The following HDAC4 variants were observed in gnomAD, a reference collection of about 807,000 sequenced individuals.
The protein encoded by HDAC4 is histone deacetylase A.
In HDAC4, 16 loss-of-function variants were observed where a neutral mutation model predicts 135.1. The observed-to-expected ratio is 0.12, with a 90% CI of 0.08 to 0.18. The LOEUF is 0.18. Among genes scored for constraint, HDAC4 ranks in the 10% least tolerant of loss-of-function variants. HDAC4 has a pLI of 1.00. For synonymous variants in HDAC4, 685 were observed against 653.4 expected, an observed-to-expected ratio of 1.05 and a Z score of -0.74; for missense variants, 1,143 against 1,511.8, an observed-to-expected ratio of 0.76 and a Z score of 4.05.
intron 2 of HDAC4, among the ~76,000 whole-genome samples, chr2:239,252,279 C>T (rs914346429): frequency 6.6e-6 from 1 of 152,222 alleles, no homozygotes; most frequent in Non-Finnish European, 1.5e-5. Flanking sequence ...TCACCGTCAA[C>T]AGCCATCGAA....
At chr2:239,124,371 G>A (rs2039952084) in intron 12 of HDAC4, among the ~76,000 whole-genome samples, 1 of 152,208 alleles carries the variant, frequency 6.6e-6, no homozygotes, top group Admixed American at 6.5e-5. Flanking sequence ...CTGTCTGTTG[G>A]GGACGTTTTA....
intron 4 of HDAC4, among the ~76,000 whole-genome samples, chr2:239,185,214 C>T (rs1222513659): frequency 1.3e-5 from 2 of 151,136 alleles, no homozygotes; most frequent in African/African-American, 4.9e-5. Context: ...TGCCTGTATC[C>T]CCCATGGGGG....
intron 1 of HDAC4, among the ~76,000 whole-genome samples, chr2:239,378,806 C>T (rs1695211836): frequency 1.3e-5 from 2 of 152,230 alleles, no homozygotes; most frequent in Admixed American, 6.5e-5. Flanking sequence ...CCATGCATCT[C>T]CTACTCTCCT....
chr2:239,389,110 T>C (rs1029929514), intron 1 of HDAC4, among the ~76,000 whole-genome samples: 2 of 152,106 alleles, frequency 1.3e-5, no homozygotes, highest in Admixed American at 1.3e-4. Flanking sequence ...CAGCACTCTG[T>C]AAAAATGCAC....
chr2:239,068,641 G>T lies in HDAC4; in HGVS notation c.2751-34C>A. The T allele has an allele frequency of 6.5e-7, 1 of 1,550,074 alleles. No individual in the cohort carries two copies. Among genetic ancestry groups the T allele is most frequent in the Non-Finnish European group, 8.9e-7 (1 of 1,122,022 alleles). ...GACAGGAGAAGGCGTTACTGGGTCA[G>T]CTGAAAGAGGGACGGGACGGTCACA... On this transcript the variant is annotated intron_variant, in intron 22 of 26. Coordinates refer to ENST00000543185, the MANE Select transcript of HDAC4 (RefSeq NM_001378414.1). The surrounding 1 kb of genome is among the most constrained non-coding windows in gnomAD (Gnocchi z 4.4).
rs1258790636 is a variant in HDAC4, at chr2:239,306,329, G to A, written c.22+46349C>T. Among the ~76,000 whole-genome samples, 1 of 152,144 alleles carries A rather than the reference G, an allele frequency of 6.6e-6. No homozygotes were observed. The highest frequency in any genetic ancestry group is 1.5e-5 in the Non-Finnish European group (1 of 68,008). On this transcript the variant is annotated intron_variant, in intron 2 of 26. Transcript: ENST00000543185. The surrounding 1 kb of genome is among the most constrained non-coding windows in gnomAD (Gnocchi z 4.5). ...CCACAGGTGGGTGAGCTCCCACCCA[G>A]GTCCAGCAAGTCAGTGACTACAACA... is the stretch of plus-strand genomic sequence containing the variant.
At chr2:239,243,279 A>G (rs188592952) in intron 2 of HDAC4, among the ~76,000 whole-genome samples, 1,936 of 151,866 alleles carry the variant, frequency 0.013, 20 homozygotes, top group Non-Finnish European at 0.019. Context: ...CAGCCTCCCG[A>G]ATAGGTGAGA....
rs73000144 is a variant in HDAC4, at chr2:239,139,704, C to T, written c.958G>A (p.Val320Ile). Residue 320 changes from valine (V) to isoleucine (I), a missense_variant, in exon 9 of 27, where the codon GTC (valine) becomes ATC (isoleucine). Val to Ile is a conservative substitution (Grantham distance 29, BLOSUM62 3). Around this residue, in one of 9 missense-constraint regions of HDAC4, gnomAD observed 272 missense variants for 309.7 expected, o/e 0.88. Transcript: ENST00000543185. This position sits in a 1 kb window ranked among gnomAD's most constrained non-coding sequence, Gnocchi z 5.3. ...VSAENGIAPA[V>I]PSIPAETSLA... ...CTGACCTCCGCCGGGATGCTGGGGA[C>T]GGCGGGCGCGATACCGTTCTCCGCG... 6,119 of 1,614,018 alleles carry T rather than the reference C, an allele frequency of 3.8e-3. 19 individuals are homozygous for T. Among genetic ancestry groups the T allele is most frequent in the Non-Finnish European group, 4.6e-3 (5,452 of 1,179,924 alleles).
chr2:239,283,598 A>G (rs1348730357), intron 2 of HDAC4, among the ~76,000 whole-genome samples: 1 of 152,270 alleles, frequency 6.6e-6, no homozygotes, highest in Non-Finnish European at 1.5e-5. Context: ...TACAGAAATC[A>G]GGAAGGCAGA....
chr2:239,272,634 G>C (rs1163187969), intron 2 of HDAC4, among the ~76,000 whole-genome samples: 2 of 152,182 alleles, frequency 1.3e-5, no homozygotes, highest in Non-Finnish European at 2.9e-5. Flanking sequence ...TATCCACAAG[G>C]ATGGCCAGGA....
intron 18 of HDAC4, among the ~76,000 whole-genome samples, chr2:239,088,546 C>CT (rs1408121670): frequency 6.6e-6 from 1 of 152,244 alleles, no homozygotes; most frequent in African/African-American, 2.4e-5. Context: ...TCTATGTACT[C>CT]TTTTCACTGC....
intron 25 of HDAC4, among the ~76,000 whole-genome samples, chr2:239,054,099 C>A (rs1448206170): frequency 6.6e-6 from 1 of 152,006 alleles, no homozygotes; most frequent in Non-Finnish European, 1.5e-5. Context: ...GGCCCAGGGT[C>A]AGCTTCAGGG....
Position 239,353,490 on chromosome 2 carries a change from G to A in HDAC4, c.-219-572C>T, listed in dbSNP as rs78393569. ...CTGGGATTTTGGTTTGCGTATTTAG[G>A]TGTTGGGGTGTAGGGCTGCCATACA... On this transcript the variant is annotated intron_variant, in intron 1 of 26. Coordinates refer to ENST00000543185, the MANE Select transcript of HDAC4 (RefSeq NM_001378414.1). 3.1e-3 allele frequency among the ~76,000 whole-genome samples: 474 copies of A among 152,296 alleles called. 7 individuals carry two copies. In the East Asian group the frequency reaches 0.039, roughly 12 times the overall value.
intron 4 of HDAC4, among the ~76,000 whole-genome samples, chr2:239,188,611 A>C (rs571493086): frequency 4.6e-5 from 7 of 152,232 alleles, no homozygotes; most frequent in Non-Finnish European, 8.8e-5. Context: ...GCCACGAACC[A>C]CGTGTGGCTC....
chr2:239,376,541 G>T (rs1012268260), intron 1 of HDAC4, among the ~76,000 whole-genome samples: 2 of 152,244 alleles, frequency 1.3e-5, no homozygotes, highest in East Asian at 3.8e-4. Flanking sequence ...CCGAAGGCAC[G>T]TGTCTACTAC....
At position 239,053,542 on chromosome 2, in the gene HDAC4, C is replaced by T; in HGVS notation, c.3148G>A (p.Ala1050Thr). The change falls in exon 26 of 27, where the codon GCT becomes ACT. Residue 1050 changes from alanine to threonine, a missense_variant. Ala to Thr is a moderately conservative substitution (Grantham distance 58). This residue lies in a region of HDAC4 where 131 missense variants were observed against 130.6 expected (regional missense o/e 1.00). Coordinates refer to ENST00000543185, the MANE Select transcript of HDAC4 (RefSeq NM_001378414.1). ...TSTAGRSLIEAQTCENEEAET... is the reference protein window; with the variant it reads ...TSTAGRSLIETQTCENEEAET... ...GCTTCTTCGTTCTCGCAAGTCTGAG[C>T]CTCGATCAGAGAACGCCCCGCTGTG... 6.2e-7 allele frequency: 1 copy of T among 1,613,952 alleles called. No individual in the cohort carries two copies. The highest frequency in any genetic ancestry group is 1.1e-5 in the South Asian group (1 of 91,086).
chr2:239,337,198 C>A (rs900980682), intron 2 of HDAC4, among the ~76,000 whole-genome samples: 11 of 152,208 alleles, frequency 7.2e-5, no homozygotes, highest in African/African-American at 2.7e-4. Flanking sequence ...GGTTGTCACA[C>A]AAACGGCTCC....
intron 2 of HDAC4, among the ~76,000 whole-genome samples, chr2:239,326,307 A>G (rs993779076): frequency 7.9e-5 from 12 of 152,226 alleles, no homozygotes; most frequent in African/African-American, 2.9e-4. Flanking sequence ...AGGGCCCTAG[A>G]GGAGTCAGAT....
intron 2 of HDAC4, among the ~76,000 whole-genome samples, chr2:239,337,191 T>TGTC (rs1691993594): frequency 6.6e-6 from 1 of 152,170 alleles, no homozygotes; most frequent in South Asian, 2.1e-4. Context: ...AACAGCAGGT[T>TGTC]GTCACACAAA....
Sources: gnomAD v4.1 joint callset for allele counts (sites outside exome capture counted in the v4.1 genomes callset) on GRCh38, gnomAD v4.1.1 for gene constraint, gnomAD v4.1.1 regional missense constraint, Gnocchi (gnomAD v3.1) non-coding constraint, MANE v1.5 for transcripts, NCBI Gene and HGNC (gene_info 2026-07-23, HGNC 2026-07-21) for gene names.